PDE3B: variants seen among roughly 807,000 people sequenced by gnomAD.
PDE3B encodes the protein cGMP-inhibited 3',5'-cyclic phosphodiesterase 3B.
PDE3B carries 66 observed loss-of-function variants against 116.8 expected under a neutral mutation model. The observed-to-expected ratio is 0.56, with a 90% confidence interval of 0.46 to 0.69. The LOEUF is 0.69. Ranked by LOEUF, PDE3B falls within the 30% of genes least tolerant of loss-of-function variation. The pLI is 0.00. For synonymous variants in PDE3B, 595 were observed against 533.6 expected, an observed-to-expected ratio of 1.12 and a Z score of -1.59; for missense variants, 1,384 against 1,368.1, an observed-to-expected ratio of 1.01 and a Z score of -0.18.
chr11:14,660,331 T>G (rs1853857059), intron 1 of PDE3B, among the ~76,000 whole-genome samples: 1 of 151,512 alleles, frequency 6.6e-6, no homozygotes, highest in East Asian at 1.9e-4. Flanking sequence ...AGGTGGGGTC[T>G]CGCCCTGTTG....
At chr11:14,682,706 G>A (rs977750437) in intron 1 of PDE3B, among the ~76,000 whole-genome samples, 2 of 151,798 alleles carry the variant, frequency 1.3e-5, no homozygotes, top group African/African-American at 4.8e-5. Context: ...ATACATTGCT[G>A]GATTTGATTT....
chr11:14,896,582 A>G, the PDE3B span, among the ~76,000 whole-genome samples: 1 of 152,230 alleles, frequency 6.6e-6, no homozygotes, highest in African/African-American at 2.4e-5. Flanking sequence ...ACAAGTGTGC[A>G]TAACATAGGA....
intron 2 of PDE3B, among the ~76,000 whole-genome samples, chr11:14,784,004 T>C (rs1050296013): frequency 4.6e-5 from 7 of 152,180 alleles, no homozygotes; most frequent in Admixed American, 3.9e-4. Flanking sequence ...TAGATTCTCA[T>C]AGGAGCACAA....
At chr11:14,647,014 G>GGGTATTTTT (rs1292998111) in intron 1 of PDE3B, among the ~76,000 whole-genome samples, 1 of 151,938 alleles carries the variant, frequency 6.6e-6, no homozygotes, top group Non-Finnish European at 1.5e-5. Flanking sequence ...TACTAGAAAA[G>GGGTATTTTT]GGTATTTTTA....
chr11:14,895,212 G>A, the PDE3B span, among the ~76,000 whole-genome samples: 1 of 152,248 alleles, frequency 6.6e-6, no homozygotes, highest in Non-Finnish European at 1.5e-5. Flanking sequence ...TGCAATCAGC[G>A]CAAATGTGCC....
At chr11:14,880,854 T>C in the PDE3B span, 1 of 1,254,874 alleles carries the variant, frequency 8.0e-7, no homozygotes, top group Non-Finnish European at 1.1e-6. Flanking sequence ...TAATGGATGG[T>C]TAGTCATCCT....
chr11:14,873,423 G>A (rs932848049), downstream of PDE3B, among the ~76,000 whole-genome samples: 2 of 152,200 alleles, frequency 1.3e-5, no homozygotes, highest in Non-Finnish European at 2.9e-5. Flanking sequence ...GACTGGAATA[G>A]ATTGTGGACC....
intron 1 of PDE3B, among the ~76,000 whole-genome samples, chr11:14,676,370 A>C (rs1854531879): frequency 6.6e-6 from 1 of 152,198 alleles, no homozygotes; most frequent in Non-Finnish European, 1.5e-5. Context: ...TCTAAGATAC[A>C]AACCTGTACA....
chr11:14,675,864 T>C (rs1027750805), intron 1 of PDE3B, among the ~76,000 whole-genome samples: 136 of 152,156 alleles, frequency 8.9e-4, no homozygotes, highest in Non-Finnish European at 3.1e-4. Flanking sequence ...TGCAAGTCTT[T>C]TTTGTGGAGA....
chr11:14,725,151 A>T (rs891309807), intron 1 of PDE3B, among the ~76,000 whole-genome samples: 1 of 152,174 alleles, frequency 6.6e-6, no homozygotes, highest in Non-Finnish European at 1.5e-5. Context: ...AGGTATCTAT[A>T]TCCAAATCCA....
rs187849272 is a variant in PDE3B at position 14,798,230 on chromosome 11, C to T, written c.1416-5714C>T. On this transcript the variant is annotated intron_variant, in intron 4 of 15. Transcript: ENST00000282096. ...TTGGTTCTGTTTATGTGATGGATTA[C>T]GTTTATTGATTTGTGTATGTTGAAC... 1.4e-4 allele frequency among the ~76,000 whole-genome samples: 21 copies of T among 152,206 alleles called. No individual in the cohort carries two copies. In the East Asian group the frequency reaches 3.7e-3, roughly 27 times the overall value.
At chr11:14,842,597 G>A (rs932427654) in intron 11 of PDE3B, among the ~76,000 whole-genome samples, 11 of 151,988 alleles carry the variant, frequency 7.2e-5, no homozygotes, top group Non-Finnish European at 1.3e-4. Context: ...GCTCTAAGCC[G>A]GTGTAGTGGT....
At chr11:14,865,710 G>C (rs1555007942) in intron 14 of PDE3B, among the ~76,000 whole-genome samples, 1 of 152,100 alleles carries the variant, frequency 6.6e-6, no homozygotes, top group African/African-American at 2.4e-5. Flanking sequence ...ATACTATGCA[G>C]TTTGCATATT....
chr11:14,644,276 G>T lies in PDE3B; in HGVS notation c.201G>T (p.Gln67His), dbSNP rs1322115751. 3.2e-6 allele frequency: 5 copies of T among 1,565,538 alleles called. No homozygotes were observed. The highest frequency in any genetic ancestry group is 4.3e-6 in the Non-Finnish European group (5 of 1,162,732). The change falls in exon 1 of 16, where the codon CAG becomes CAT. Residue 67 changes from glutamine (Q) to histidine (H), a missense_variant. By Grantham distance (24) the Gln-to-His change is conservative. This residue lies in a region of PDE3B where 956 missense variants were observed against 806.8 expected (regional missense o/e 1.18). Coordinates refer to ENST00000282096, the MANE Select transcript of PDE3B (RefSeq NM_000922.4). ...VELRPPPASPQQPRRCSPFCR... is the reference protein window; with the variant it reads ...VELRPPPASPHQPRRCSPFCR... Reference sequence around the variant, plus strand: ...TGCGGCCGCCGCCGGCCTCTCCCCAGCAGCCGCGGCGCTGCTCCCCCTTCT... The same window carrying T: ...TGCGGCCGCCGCCGGCCTCTCCCCATCAGCCGCGGCGCTGCTCCCCCTTCT...
Position 14,679,662 on chromosome 11 carries a change from C to T in PDE3B, c.978+34609C>T, listed in dbSNP as rs185536556. On this transcript the variant is annotated intron_variant, in intron 1 of 15. Transcript: ENST00000282096. ...ATCACTCTGAAGGACTCTCTTCTGT[C>T]TTTTCTGCTTGTGGTTCCTGATCCC... is the stretch of plus-strand genomic sequence containing the variant. Among the ~76,000 whole-genome samples the T allele has an allele frequency of 3.3e-5, 5 of 151,962 alleles. No individual in the cohort carries two copies. In the East Asian group the frequency reaches 9.8e-4, roughly 30 times the overall value.
chr11:14,788,543 C>T (rs189114391), intron 3 of PDE3B, among the ~76,000 whole-genome samples: 68 of 151,814 alleles, frequency 4.5e-4, no homozygotes, highest in African/African-American at 1.5e-3. Context: ...TTATAATGGT[C>T]AAAAATGGAA....
chr11:14,852,310 C>T (rs1847768881), intron 12 of PDE3B, among the ~76,000 whole-genome samples: 1 of 152,206 alleles, frequency 6.6e-6, no homozygotes, highest in Admixed American at 6.5e-5. Flanking sequence ...TCCGCCTCAG[C>T]CTCCCAAAGT....
At chr11:14,758,662 G>C (rs1232527533) in intron 1 of PDE3B, among the ~76,000 whole-genome samples, 1 of 148,156 alleles carries the variant, frequency 6.7e-6, no homozygotes, top group African/African-American at 2.5e-5. Flanking sequence ...TTTGTATCCT[G>C]AGACTTTGCT....
intron 1 of PDE3B, among the ~76,000 whole-genome samples, chr11:14,723,857 A>G (rs1856200095): frequency 6.6e-6 from 1 of 152,218 alleles, no homozygotes; most frequent in South Asian, 2.1e-4. Flanking sequence ...GTTATAGCAC[A>G]GAAAACAAAA....
Sources: allele counts gnomAD v4.1 joint callset (sites outside exome capture counted in the v4.1 genomes callset), GRCh38; gene constraint gnomAD v4.1.1; regional missense constraint gnomAD v4.1.1; transcripts MANE v1.5; gene names NCBI Gene and HGNC (gene_info 2026-07-23, HGNC 2026-07-21).